CENPK: variants seen among roughly 807,000 people sequenced by gnomAD.
CENPK encodes centromere protein K, also known as SoxLZ/Sox6-binding protein Solt.
A neutral mutation model predicts 40.9 loss-of-function variants in CENPK; 46 were observed. That is an observed-to-expected ratio of 1.13 (90% CI 0.89 to 1.44). CENPK has a LOEUF of 1.44. Among genes scored for constraint, CENPK ranks in the 40% most tolerant of loss-of-function variants. The probability of loss-of-function intolerance (pLI) is 0.00; values close to 1 mark genes in which losing one functional copy is unlikely to be tolerated. For synonymous variants in CENPK, 107 were observed against 104.4 expected, an observed-to-expected ratio of 1.02 and a Z score of -0.15; for missense variants, 288 against 303.5, an observed-to-expected ratio of 0.95 and a Z score of 0.38.
Position 65,521,430 on chromosome 5 carries a change from G to T in CENPK, c.651+45C>A. On this transcript the variant is annotated intron_variant, in intron 10 of 10. Transcript: ENST00000396679. ...AGTCTGAGTATAATTGTTCACAAAT[G>T]ACTAAGACAGCTTCAAGACAAAACA... is the stretch of plus-strand genomic sequence containing the variant. 3 of 1,471,544 alleles carry T rather than the reference G, an allele frequency of 2.0e-6. No individual in the cohort carries two copies. The South Asian group carries it at 3.5e-5, about 17-fold the overall frequency. The allele number at this position is 1,471,544 out of a possible 1,614,324, so 91.2% of individuals were successfully genotyped here.
the CENPK span, among the ~76,000 whole-genome samples, chr5:65,510,776 C>CAAAAA: frequency 7.5e-6 from 1 of 133,686 alleles, no homozygotes; most frequent in African/African-American, 2.8e-5. Context: ...AACTCCATCT[C>CAAAAA]AAAAAAAAAA....
intron 3 of CENPK, 142 bp from the exon 4 acceptor site, chr5:65,552,691 A>C: frequency 2.2e-6 from 1 of 457,278 alleles, no homozygotes; most frequent in Non-Finnish European, 3.9e-6. Flanking sequence ...GAAATTCCTC[A>C]CTATGTAAGA....
chr5:65,503,898 C>T, the CENPK span, among the ~76,000 whole-genome samples: 49 of 151,826 alleles, frequency 3.2e-4, no homozygotes, highest in Admixed American at 2.6e-3. Context: ...CCTCGTGATC[C>T]GCCCACCTTG....
the CENPK span, among the ~76,000 whole-genome samples, chr5:65,507,821 T>C: frequency 1.3e-5 from 2 of 152,310 alleles, no homozygotes; most frequent in African/African-American, 2.4e-5. Flanking sequence ...TTACAAGTAA[T>C]TATTAATTCT....
chr5:65,517,488 T>C (rs1742956918), downstream of CENPK, among the ~76,000 whole-genome samples: 1 of 152,162 alleles, frequency 6.6e-6, no homozygotes, highest in South Asian at 2.1e-4. Flanking sequence ...ATAATAGTAT[T>C]TGTATTTTCT....
Position 65,518,658 on chromosome 5 carries a change from ATACTT to A in CENPK, c.652-30_652-26del, listed in dbSNP as rs772142544. 3.4e-6 allele frequency: 5 copies of A among 1,488,036 alleles called. No homozygotes were observed. The South Asian group carries it at 6.1e-5, about 18-fold the overall frequency. The allele number at this position is 1,488,036 out of a possible 1,614,324, so 92.2% of individuals were successfully genotyped here. A position where few individuals can be genotyped will look rare whatever the true frequency, so the allele number is the denominator to read the frequency against. On this transcript the variant is annotated intron_variant, in intron 10 of 10. Transcript: ENST00000396679. ...TCTAGGAGAAAATATCATTCAAAAT[ATACTT>A]TACTTGGGAAAAAGTCAATATAGCT...
chr5:65,537,079 C>A (rs970917697), intron 6 of CENPK, among the ~76,000 whole-genome samples: 4 of 152,184 alleles, frequency 2.6e-5, no homozygotes, highest in African/African-American at 9.7e-5. Flanking sequence ...AAAAACAGCA[C>A]CATGCTCTTA....
intron 6 of CENPK, among the ~76,000 whole-genome samples, chr5:65,540,014 T>C (rs915918493): frequency 6.6e-6 from 1 of 152,198 alleles, no homozygotes; most frequent in Non-Finnish European, 1.5e-5. Context: ...ATTCTTCCAT[T>C]GTCTTGAACA....
intron 6 of CENPK, among the ~76,000 whole-genome samples, chr5:65,532,684 C>T (rs1036945073): frequency 1.1e-4 from 17 of 151,484 alleles, no homozygotes; most frequent in Middle Eastern, 3.4e-3. Flanking sequence ...CTGAGGCGGG[C>T]AGATCACCTG....
intron 2 of CENPK, among the ~76,000 whole-genome samples, chr5:65,558,361 G>T (rs1751343730): frequency 6.6e-6 from 1 of 152,170 alleles, no homozygotes; most frequent in Non-Finnish European, 1.5e-5. Context: ...ATAAGTAGAG[G>T]TGTTGGCTTA....
At chr5:65,538,109 G>A (rs1357409925) in intron 6 of CENPK, among the ~76,000 whole-genome samples, 2 of 151,924 alleles carry the variant, frequency 1.3e-5, no homozygotes, top group Non-Finnish European at 2.9e-5. Context: ...CATCCTAGAC[G>A]GTGTAAAGTG....
intron 6 of CENPK, among the ~76,000 whole-genome samples, chr5:65,539,471 G>A (rs532753014): frequency 1.3e-5 from 2 of 152,306 alleles, no homozygotes; most frequent in South Asian, 2.1e-4. Flanking sequence ...GGAAAGAAGG[G>A]GTAACATGTC....
At chr5:65,547,984 G>A (rs1478713571) in intron 5 of CENPK, among the ~76,000 whole-genome samples, 1 of 152,208 alleles carries the variant, frequency 6.6e-6, no homozygotes, top group African/African-American at 2.4e-5. Flanking sequence ...CAATAATTGG[G>A]AAAGAGAAAT....
intron 9 of CENPK, among the ~76,000 whole-genome samples, chr5:65,524,299 C>T (rs1425575344): frequency 1.3e-5 from 2 of 150,732 alleles, no homozygotes; most frequent in Admixed American, 6.7e-5. Context: ...GCAGCAGAAT[C>T]GTGTGAACCC....
intron 2 of CENPK, chr5:65,560,974 A>G (rs1230137998): frequency 6.6e-6 from 1 of 152,202 alleles, no homozygotes; most frequent in East Asian, 1.9e-4. Flanking sequence ...CTGTTTTGAT[A>G]TTTAAAAGCT....
At chr5:65,527,063 C>T (rs868774740) in intron 9 of CENPK, among the ~76,000 whole-genome samples, 1 of 151,908 alleles carries the variant, frequency 6.6e-6, no homozygotes, top group Admixed American at 6.6e-5. Flanking sequence ...TGCCATTGCA[C>T]TCCAGCCTGG....
intron 6 of CENPK, among the ~76,000 whole-genome samples, chr5:65,531,452 T>C (rs1745812940): frequency 1.3e-5 from 2 of 151,594 alleles, no homozygotes; most frequent in East Asian, 3.9e-4. Context: ...AACATCAAGA[T>C]TTCTGGGATG....
chr5:65,506,154 C>T, the CENPK span, among the ~76,000 whole-genome samples: 1 of 151,266 alleles, frequency 6.6e-6, no homozygotes, highest in South Asian at 2.1e-4. Flanking sequence ...GAGGCCCAGG[C>T]GGGAGAATGT....
intron 6 of CENPK, chr5:65,541,558 AGACACATGT>A: frequency 2.4e-6 from 1 of 417,592 alleles, no homozygotes; most frequent in South Asian, 1.7e-5. Flanking sequence ...CTCTATCCTT[AGACACATGT>A]TCTTTCTTTC....
Sources: allele counts gnomAD v4.1 joint callset (sites outside exome capture counted in the v4.1 genomes callset), GRCh38; gene constraint gnomAD v4.1.1; transcripts MANE v1.5; gene names NCBI Gene and HGNC (gene_info 2026-07-23, HGNC 2026-07-21).